NSF: variants seen among roughly 807,000 people sequenced by gnomAD.
The protein encoded by NSF is N-ethylmaleimide sensitive factor, vesicle fusing ATPase.
In NSF, 14 loss-of-function variants were observed where a neutral mutation model predicts 50.3. The observed-to-expected ratio is 0.28, with a 90% confidence interval of 0.18 to 0.44. The LOEUF is 0.44. NSF is among the 20% of genes least tolerant of loss of function. NSF has a pLI of 1.00. For synonymous variants in NSF, 109 were observed against 175.7 expected (o/e 0.62, Z 3.00); for missense variants, 218 against 504.3 (o/e 0.43, Z 5.44).
intron 17 of NSF, among the ~76,000 whole-genome samples, chr17:46,731,394 T>C (rs1283047635): frequency 6.6e-6 from 1 of 152,104 alleles, no homozygotes; most frequent in Non-Finnish European, 1.5e-5. Context: ...TTTGGGGTGA[T>C]AGAAATGCTC....
chr17:46,739,257 G>A (rs1304159813), intron 17 of NSF, among the ~76,000 whole-genome samples: 1 of 150,996 alleles, frequency 6.6e-6, no homozygotes, highest in Non-Finnish European at 1.5e-5. Flanking sequence ...TGTAGTCCCA[G>A]CTACTCAGGA....
chr17:46,755,804 G>A lies in NSF; in HGVS notation c.2216G>A (p.Ser739Asn), dbSNP rs1295271494. ...GTGTTTTGGTATTTCTTTTGCAGTAGCCCCCTTGATTTTGATTGAAAATGA... is the reference window on the plus strand; with the variant it reads ...GTGTTTTGGTATTTCTTTTGCAGTAACCCCCTTGATTTTGATTGAAAATGA... ...FLALLREEGA[S>N]PLDFD The change falls in exon 21 of 21, where the codon AGC becomes AAC. Residue 739 changes from serine (S) to asparagine (N), a missense_variant and splice_region_variant. Physicochemically the swap from Ser to Asn is conservative, Grantham distance 46 (BLOSUM62 1). Around this residue, in one of 2 missense-constraint regions of NSF, gnomAD observed 209 missense variants for 320.9 expected, o/e 0.65. Coordinates refer to ENST00000398238, the MANE Select transcript of NSF (RefSeq NM_006178.4). 1.9e-6 allele frequency: 3 copies of A among 1,606,722 alleles called. No homozygotes were observed. Among genetic ancestry groups the A allele is most frequent in the Non-Finnish European group, 1.7e-6 (2 of 1,178,612 alleles).
intron 15 of NSF, chr17:46,722,029 C>G (rs560423019): frequency 6.2e-7 from 1 of 1,608,444 alleles, no homozygotes; most frequent in Non-Finnish European, 8.5e-7. Context: ...CCTTGGCTGC[C>G]GTAATATTCA....
At chr17:46,742,229 T>G (rs17698176) in intron 17 of NSF, among the ~76,000 whole-genome samples, 22,120 of 152,254 alleles carry the variant, frequency 0.15, 2,218 homozygotes, top group Non-Finnish European at 0.21. Context: ...CTTTAAAATT[T>G]GTTGCTATCA....
chr17:46,740,228 A>T (rs1040486170), intron 17 of NSF, among the ~76,000 whole-genome samples: 1 of 152,180 alleles, frequency 6.6e-6, no homozygotes, highest in Non-Finnish European at 1.5e-5. Context: ...TTATTATTGG[A>T]TATAGTAAAT....
In NSF at chr17:46,755,895, T is replaced by A; in HGVS notation, c.*72T>A. The A allele has an allele frequency of 1.4e-6, 2 of 1,473,524 alleles. No homozygotes were observed. Among genetic ancestry groups the A allele is most frequent in the Middle Eastern group, 1.7e-4 (1 of 5,824 alleles). The allele number at this position is 1,473,524 out of a possible 1,614,324, so 91.3% of individuals were successfully genotyped here. A position where few individuals can be genotyped will look rare whatever the true frequency, so the allele number is the denominator to read the frequency against. ...TGAAGATGGCCTAGGATCTTCACTG[T>A]CTTACTCAAGATACTGGACTAAGTG... On this transcript the variant is annotated 3_prime_UTR_variant, in exon 21 of 21. Transcript: ENST00000398238.
intron 9 of NSF, among the ~76,000 whole-genome samples, chr17:46,678,727 C>G (rs976510595): frequency 4.2e-5 from 5 of 117,846 alleles, no homozygotes; most frequent in Admixed American, 2.7e-4. Flanking sequence ...TGCTGAAAAC[C>G]AAAAATGAGA....
intron 17 of NSF, among the ~76,000 whole-genome samples, chr17:46,738,319 G>A (rs59722197): frequency 6.6e-6 from 1 of 152,152 alleles, no homozygotes; most frequent in Non-Finnish European, 1.5e-5. Flanking sequence ...ATATGGCATA[G>A]TTTCACTGGA....
chr17:46,709,045 A>G (rs1239304675), intron 13 of NSF, among the ~76,000 whole-genome samples: 2 of 151,100 alleles, frequency 1.3e-5, no homozygotes, highest in African/African-American at 4.9e-5. Flanking sequence ...GGATGGTCTC[A>G]ATCTCCTGAC....
rs148930686 is a variant in NSF, at chr17:46,635,777, ATGTGTGTG to A, written c.239-1564_239-1557del. On this transcript the variant is annotated intron_variant, in intron 4 of 20. Transcript: ENST00000398238. ...TTCAGGGAACCTAAAGGGAAAATAA[ATGTGTGTG>A]TGTGTGTGTGTGTGTGTGTGTGTGT... 4.0e-3 allele frequency among the ~76,000 whole-genome samples: 463 copies of A among 116,794 alleles called. 7 individuals carry two copies. Among genetic ancestry groups the A allele is most frequent in the Middle Eastern group, 0.014 (3 of 208 alleles). 76.6% of individuals were successfully genotyped at this position (116,794 alleles called of 152,430 possible). A position where few individuals can be genotyped will look rare whatever the true frequency, so the allele number is the denominator to read the frequency against.
At chr17:46,749,452 A>T (rs1300122389) in intron 17 of NSF, among the ~76,000 whole-genome samples, 1 of 152,192 alleles carries the variant, frequency 6.6e-6, no homozygotes, top group Non-Finnish European at 1.5e-5. Context: ...TACATGTGCC[A>T]TGTTGGCTCT....
intron 4 of NSF, among the ~76,000 whole-genome samples, chr17:46,635,820 C>T (rs1399883179): frequency 3.0e-4 from 9 of 29,654 alleles, no homozygotes; most frequent in East Asian, 3.8e-3. Context: ...TGTGTGTGTG[C>T]TCGTGTGTGA....
At chr17:46,735,924 G>A (rs1267320217) in intron 17 of NSF, among the ~76,000 whole-genome samples, 5 of 152,082 alleles carry the variant, frequency 3.3e-5, no homozygotes, top group Non-Finnish European at 7.4e-5. Flanking sequence ...CATCCTGGGT[G>A]GATGGAGTGA....
intron 17 of NSF, among the ~76,000 whole-genome samples, chr17:46,745,688 A>G (rs2059121020): frequency 6.6e-6 from 1 of 152,242 alleles, no homozygotes; most frequent in Admixed American, 6.5e-5. Flanking sequence ...TAAAAAGCTA[A>G]AAAAGAGAAG....
intron 15 of NSF, among the ~76,000 whole-genome samples, chr17:46,716,185 GT>G (rs1465775712): frequency 6.6e-6 from 1 of 151,706 alleles, no homozygotes; most frequent in Non-Finnish European, 1.5e-5. Context: ...CTTCCAGGTT[GT>G]TTTTGAAAAT....
At chr17:46,727,995 T>A (rs903774258) in intron 16 of NSF, among the ~76,000 whole-genome samples, 1 of 152,088 alleles carries the variant, frequency 6.6e-6, no homozygotes, top group Admixed American at 6.5e-5. Context: ...TTGGATATTC[T>A]GTTTTTTTTT....
At chr17:46,703,649 C>A (rs1167791842) in intron 12 of NSF, among the ~76,000 whole-genome samples, 1 of 142,808 alleles carries the variant, frequency 7.0e-6, no homozygotes, top group African/African-American at 2.7e-5. Flanking sequence ...CCACTGCACT[C>A]CAGCCTGGGG....
chr17:46,720,626 G>C (rs1012552706), intron 15 of NSF, among the ~76,000 whole-genome samples: 9 of 152,110 alleles, frequency 5.9e-5, no homozygotes, highest in Non-Finnish European at 1.0e-4. Context: ...GCTCATTTAC[G>C]TTTTTATATG....
At chr17:46,712,589 G>A (rs1212624778) in intron 14 of NSF, among the ~76,000 whole-genome samples, 2 of 152,196 alleles carry the variant, frequency 1.3e-5, no homozygotes, top group South Asian at 2.1e-4. Context: ...GAAGTAAATC[G>A]GAAATGTTGA....
Sources: allele counts gnomAD v4.1 joint callset (sites outside exome capture counted in the v4.1 genomes callset), GRCh38; gene constraint gnomAD v4.1.1; regional missense constraint gnomAD v4.1.1; transcripts MANE v1.5; gene names NCBI Gene and HGNC (gene_info 2026-07-23, HGNC 2026-07-21).